Variants in CELF2 observed in about 807,000 individuals in gnomAD.
CELF2 encodes the protein CUG triplet repeat RNA-binding protein 2.
Under a neutral mutation model 62.6 loss-of-function variants are expected in CELF2, and 8 were observed. That is an observed-to-expected ratio of 0.13 (90% CI 0.07 to 0.23). The LOEUF is 0.23. CELF2 is among the 10% of genes least tolerant of loss of function. The probability of loss-of-function intolerance (pLI) is 1.00; values close to 1 mark genes in which losing one functional copy is unlikely to be tolerated. For synonymous variants in CELF2, 258 were observed against 250.0 expected (o/e 1.03, Z -0.30); for missense variants, 333 against 671.0 (o/e 0.50, Z 5.56).
intron 1 of CELF2, among the ~76,000 whole-genome samples, chr10:11,058,036 C>T (rs1275944462): frequency 4.0e-5 from 6 of 149,578 alleles, no homozygotes; most frequent in Non-Finnish European, 7.4e-5. Flanking sequence ...AAATACTTTA[C>T]GCCCAACCAA....
intron 1 of CELF2, among the ~76,000 whole-genome samples, chr10:11,028,830 C>T (rs1314920712): frequency 6.6e-6 from 1 of 151,460 alleles, no homozygotes; most frequent in African/African-American, 2.4e-5. Context: ...AGTGATTCTC[C>T]TGCCTCAGTC....
rs869213973 is a variant in CELF2 at position 11,211,813 on chromosome 10, AGTGTGTGTGTGTGT to A, written c.272-5583_272-5570del. On this transcript the variant is annotated intron_variant, in intron 2 of 12. Coordinates refer to ENST00000633077, the MANE Select transcript of CELF2 (RefSeq NM_001326342.2). This position sits in a 1 kb window ranked among gnomAD's most constrained non-coding sequence, Gnocchi z 4.8. ...GTGTGAGAGAGAGAGAGAGAGAGAG[AGTGTGTGTGTGTGT>A]GTGTGTGTGTGTGTGTGTGTGTGTG... Among the ~76,000 whole-genome samples, 26 of 89,358 alleles carry A rather than the reference AGTGTGTGTGTGTGT, an allele frequency of 2.9e-4. No individual in the cohort carries two copies. The highest frequency in any genetic ancestry group is 1.7e-3 in the South Asian group (5 of 2,952). 58.6% of individuals were successfully genotyped at this position (89,358 alleles called of 152,430 possible).
chr10:11,020,745 C>T (rs371739210), intron 1 of CELF2, among the ~76,000 whole-genome samples: 3 of 152,176 alleles, frequency 2.0e-5, no homozygotes, highest in African/African-American at 7.2e-5. Context: ...GTCCTCAAGG[C>T]AGATGAACAA....
rs145383389 is a variant in CELF2, at chr10:10,945,732, A to G, written c.89+25733A>G. Reference sequence around the variant, plus strand: ...CAGTCACTGGCATGAGCCCTGTGGTACCATTGATCCCACACACCTAATGTC... The same window carrying G: ...CAGTCACTGGCATGAGCCCTGTGGTGCCATTGATCCCACACACCTAATGTC... On this transcript the variant is annotated intron_variant, in intron 2 of 13. Transcript: ENST00000636488. Among the ~76,000 whole-genome samples, 505 of 152,278 alleles carry G rather than the reference A, an allele frequency of 3.3e-3. 2 individuals carry two copies. The highest frequency in any genetic ancestry group is 0.012 in the African/African-American group (484 of 41,548).
intron 1 of CELF2, among the ~76,000 whole-genome samples, chr10:10,919,269 GA>G (rs5783186): frequency 0.47 from 69,785 of 147,806 alleles, 17,019 homozygotes; most frequent in South Asian, 0.56. Context: ...TACTCTGTCT[GA>G]AAAAAAAAAA....
At chr10:11,070,993 C>G (rs1158196847) in intron 1 of CELF2, among the ~76,000 whole-genome samples, 1 of 152,092 alleles carries the variant, frequency 6.6e-6, no homozygotes, top group East Asian at 1.9e-4. Context: ...GTATAGATGA[C>G]TATTTTGAGA....
At chr10:11,158,812 C>G (rs1189826673) in intron 1 of CELF2, among the ~76,000 whole-genome samples, 1 of 152,182 alleles carries the variant, frequency 6.6e-6, no homozygotes, top group East Asian at 1.9e-4. Context: ...TCAGCAATAC[C>G]TTTGGTAATC....
chr10:11,180,964 G>C (rs905112823), intron 2 of CELF2, among the ~76,000 whole-genome samples: 9 of 152,178 alleles, frequency 5.9e-5, no homozygotes, highest in African/African-American at 2.2e-4. Flanking sequence ...CTGCCTCCCA[G>C]GTTCAAGCGA....
chr10:10,888,876 T>A (rs938600388), intron 1 of CELF2, among the ~76,000 whole-genome samples: 1 of 152,236 alleles, frequency 6.6e-6, no homozygotes, highest in African/African-American at 2.4e-5. Flanking sequence ...TATAACATGG[T>A]CTGTCTCCCC....
chr10:11,236,102 G>A (rs991840617), intron 3 of CELF2, among the ~76,000 whole-genome samples: 4 of 152,324 alleles, frequency 2.6e-5, no homozygotes, highest in South Asian at 2.1e-4. Flanking sequence ...ATTAATAAAC[G>A]TGGCTGGCAA....
At chr10:10,803,309 C>G (rs1441206377) in intron 1 of CELF2, among the ~76,000 whole-genome samples, 1 of 152,242 alleles carries the variant, frequency 6.6e-6, no homozygotes, top group Admixed American at 6.5e-5. Flanking sequence ...CTGCAAGGCC[C>G]CATCTGGCCT....
At chr10:10,940,175 C>G (rs1294189380) in intron 2 of CELF2, among the ~76,000 whole-genome samples, 1 of 152,176 alleles carries the variant, frequency 6.6e-6, no homozygotes, top group Non-Finnish European at 1.5e-5. Context: ...TATATGTCAG[C>G]TACCTTAACT....
the CELF2 span, among the ~76,000 whole-genome samples, chr10:10,554,536 A>G: frequency 6.6e-6 from 1 of 152,276 alleles, no homozygotes; most frequent in South Asian, 2.1e-4. Context: ...TTTTTGTATC[A>G]GTCAGTTTGC....
In CELF2 at chr10:11,275,101, C is replaced by T. The variant is rs1489640299; in HGVS notation, c.822C>T (p.Ser274=). The T allele has an allele frequency of 1.1e-5, 18 of 1,614,132 alleles. No individual in the cohort carries two copies. Among genetic ancestry groups the T allele is most frequent in the Non-Finnish European group, 1.4e-5 (17 of 1,180,010 alleles). ...ATSSSNLGAF[S]GIQQMAGMNA... ...CCTCCAGCAACCTGGGTGCGTTCAG[C>T]GGCATTCAACAAATGGCAGGTAAGT... is the stretch of plus-strand genomic sequence containing the variant. The change falls in exon 8 of 13, where the codon AGC becomes AGT. Residue 274 remains serine, a synonymous_variant. Transcript: ENST00000633077.
upstream of CELF2, chr10:10,798,593 G>A (rs2054308970): frequency 5.1e-6 from 2 of 395,480 alleles, no homozygotes; most frequent in Non-Finnish European, 8.9e-6. Context: ...GGAGGAGAGC[G>A]CAGGATTGAT....
chr10:10,783,696 A>G, the CELF2 span, among the ~76,000 whole-genome samples: 1 of 152,270 alleles, frequency 6.6e-6, no homozygotes, highest in South Asian at 2.1e-4. Flanking sequence ...TCAGAACTGC[A>G]TGTCATGGGG....
chr10:10,666,377 C>G, the CELF2 span, among the ~76,000 whole-genome samples: 60 of 152,304 alleles, frequency 3.9e-4, no homozygotes, highest in African/African-American at 1.4e-3. Flanking sequence ...GGTGACCACA[C>G]ACGCTCCTCC....
intron 2 of CELF2, among the ~76,000 whole-genome samples, chr10:11,193,631 T>G (rs530267009): frequency 1.5e-4 from 23 of 152,304 alleles, no homozygotes; most frequent in African/African-American, 5.5e-4. Context: ...AGGAAGAGAC[T>G]TAAACCCACC....
the CELF2 span, among the ~76,000 whole-genome samples, chr10:10,681,724 G>T: frequency 1.3e-5 from 2 of 152,104 alleles, no homozygotes; most frequent in Non-Finnish European, 1.5e-5. Context: ...CCTAGTCTAG[G>T]TTCATGAATT....
Sources: gnomAD v4.1 joint callset for allele counts (sites outside exome capture counted in the v4.1 genomes callset) on GRCh38, gnomAD v4.1.1 for gene constraint, Gnocchi (gnomAD v3.1) non-coding constraint, MANE v1.5 for transcripts, NCBI Gene and HGNC (gene_info 2026-07-23, HGNC 2026-07-21) for gene names.